The following KANK1 variants were observed in gnomAD, a reference collection of about 807,000 sequenced individuals.
KANK1 encodes KN motif and ankyrin repeat domains 1, also known as KN motif and ankyrin repeat domain-containing protein 1.
A neutral mutation model predicts 106.2 loss-of-function variants in KANK1; 109 were observed. The ratio of observed to expected loss-of-function variants is 1.03; its 90% CI spans 0.88 to 1.20. The LOEUF (loss-of-function observed/expected upper bound fraction) is 1.20. Ranked by LOEUF, KANK1 falls within the 50% of genes most tolerant of loss-of-function variation. The pLI is 0.00. For missense variants in KANK1, 2,399 were observed against 1,710.7 expected (o/e 1.40, Z -7.10); for synonymous variants, 873 against 652.2 (o/e 1.34, Z -5.16).
intron 2 of KANK1, among the ~76,000 whole-genome samples, chr9:695,846 C>T (rs1318595338): frequency 1.3e-5 from 2 of 152,182 alleles, no homozygotes; most frequent in African/African-American, 4.8e-5. Context: ...CAAACCCAGG[C>T]AGTCTGGCCC....
chr9:631,052 G>A (rs1835611011), intron 1 of KANK1, among the ~76,000 whole-genome samples: 1 of 152,174 alleles, frequency 6.6e-6, no homozygotes, highest in Admixed American at 6.5e-5. Flanking sequence ...GTAGAAATAT[G>A]TATCTTGGTA....
chr9:709,787 T>G (rs1453765592), intron 2 of KANK1, among the ~76,000 whole-genome samples: 2 of 151,992 alleles, frequency 1.3e-5, no homozygotes, highest in Non-Finnish European at 2.9e-5. Context: ...AGCCAATTTT[T>G]TATTTTTAGT....
intron 1 of KANK1, among the ~76,000 whole-genome samples, chr9:674,596 A>G (rs916788905): frequency 6.6e-6 from 1 of 152,138 alleles, no homozygotes; most frequent in African/African-American, 2.4e-5. Context: ...CTGACCCCTT[A>G]TAATCTTCAT....
intron 1 of KANK1, among the ~76,000 whole-genome samples, chr9:581,132 C>A (rs979527900): frequency 6.6e-6 from 1 of 152,180 alleles, no homozygotes; most frequent in African/African-American, 2.4e-5. Context: ...TTGTGTGCAG[C>A]CCCAGTTCCC....
intron 3 of KANK1, 74 bp downstream of exon 3, chr9:713,538 T>C (rs1826807726): frequency 4.8e-6 from 7 of 1,472,188 alleles, no homozygotes; most frequent in Non-Finnish European, 5.4e-6. Flanking sequence ...AAGGATTATT[T>C]TTTAACTGCT....
intron 1 of KANK1, among the ~76,000 whole-genome samples, chr9:608,797 C>A (rs952782599): frequency 6.6e-6 from 1 of 152,170 alleles, no homozygotes; most frequent in South Asian, 2.1e-4. Flanking sequence ...AACCTCCACC[C>A]CAGTTGATGG....
chr9:470,384 C>T (rs922803254), intron 1 of KANK1: 21 of 152,626 alleles, frequency 1.4e-4, no homozygotes, highest in African/African-American at 5.1e-4. Flanking sequence ...GGTGCGTGGC[C>T]TGAGGGACTC....
intron 1 of KANK1, among the ~76,000 whole-genome samples, chr9:600,667 A>G (rs1827509320): frequency 6.6e-6 from 1 of 151,702 alleles, no homozygotes; most frequent in African/African-American, 2.4e-5. Flanking sequence ...CTTGCCCTCC[A>G]TACACCTCAC....
intron 9 of KANK1, among the ~76,000 whole-genome samples, 176 bp downstream of exon 9, chr9:741,110 G>A (rs933728576): frequency 2.0e-5 from 3 of 152,160 alleles, no homozygotes; most frequent in African/African-American, 7.2e-5. Flanking sequence ...AACATACCAG[G>A]GAAATATGGG....
chr9:634,499 G>GAA (rs1413548343), intron 1 of KANK1, among the ~76,000 whole-genome samples: 1 of 152,104 alleles, frequency 6.6e-6, no homozygotes, highest in Non-Finnish European at 1.5e-5. Context: ...TGCAACCTCT[G>GAA]GCCACCTGAC....
At chr9:611,094 G>A (rs1254418322) in intron 1 of KANK1, among the ~76,000 whole-genome samples, 1 of 152,122 alleles carries the variant, frequency 6.6e-6, no homozygotes, top group Non-Finnish European at 1.5e-5. Flanking sequence ...CCACCTGCCA[G>A]CCCTATCTCC....
At chr9:633,546 A>G (rs531671724) in intron 1 of KANK1, among the ~76,000 whole-genome samples, 1 of 152,216 alleles carries the variant, frequency 6.6e-6, no homozygotes, top group African/African-American at 2.4e-5. Context: ...CAAGACTCTT[A>G]ATGTAGTCTG....
chr9:736,071 C>A (rs529756389), intron 7 of KANK1, among the ~76,000 whole-genome samples: 1 of 152,250 alleles, frequency 6.6e-6, no homozygotes, highest in East Asian at 2.0e-4. Context: ...CATTCTCCTG[C>A]CTCACCCTCC....
At chr9:523,512 ACT>A (rs1377664027) in intron 1 of KANK1, among the ~76,000 whole-genome samples, 2 of 151,328 alleles carry the variant, frequency 1.3e-5, no homozygotes, top group African/African-American at 2.5e-5. Context: ...CACTGCGTAG[ACT>A]CTCTGTTGGC....
intron 1 of KANK1, among the ~76,000 whole-genome samples, chr9:505,616 A>T (rs2058718011): frequency 1.3e-5 from 2 of 152,362 alleles, no homozygotes; most frequent in South Asian, 4.1e-4. Flanking sequence ...CTTGCGGGTC[A>T]GCACGAGCCG....
At chr9:728,223 C>T (rs376315889) in intron 3 of KANK1, among the ~76,000 whole-genome samples, 2 of 152,220 alleles carry the variant, frequency 1.3e-5, no homozygotes, top group South Asian at 2.1e-4. Context: ...GATGGAGTCT[C>T]CCTCTGTCAC....
At chr9:729,049 T>C (rs895560446) in intron 3 of KANK1, among the ~76,000 whole-genome samples, 8 of 152,266 alleles carry the variant, frequency 5.3e-5, no homozygotes, top group Non-Finnish European at 1.2e-4. Context: ...CATTCATACT[T>C]GGCTCAGAGT....
chr9:551,869 A>G (rs2061303275), intron 1 of KANK1, among the ~76,000 whole-genome samples: 1 of 151,604 alleles, frequency 6.6e-6, no homozygotes, highest in South Asian at 2.1e-4. Flanking sequence ...GCAACATAGT[A>G]AGACCTTGTT....
intron 1 of KANK1, among the ~76,000 whole-genome samples, chr9:528,989 G>C (rs143418544): frequency 6.6e-6 from 1 of 151,632 alleles, no homozygotes; most frequent in South Asian, 2.1e-4. Context: ...TGTAGAGATA[G>C]GGTCTCACTA....
Sources: allele counts gnomAD v4.1 joint callset (sites outside exome capture counted in the v4.1 genomes callset), GRCh38; gene constraint gnomAD v4.1.1; transcripts MANE v1.5; gene names NCBI Gene and HGNC (gene_info 2026-07-23, HGNC 2026-07-21).